Variants in CPS1 observed in about 807,000 individuals in gnomAD.
CPS1 encodes the protein carbamoyl-phosphate synthase [ammonia], mitochondrial.
In CPS1, 109 loss-of-function variants were observed where a neutral mutation model predicts 174.6. That is an observed-to-expected ratio of 0.62 (90% CI 0.53 to 0.73). The LOEUF (loss-of-function observed/expected upper bound fraction) is 0.73, where lower values mean the gene tolerates loss of function less well. CPS1 is among the 30% of genes least tolerant of loss of function. The pLI, the probability that CPS1 is intolerant of heterozygous loss-of-function variation, is 0.00. For synonymous variants in CPS1, 637 were observed against 632.0 expected, an observed-to-expected ratio of 1.01 and a Z score of -0.12; for missense variants, 1,689 against 1,821.9, an observed-to-expected ratio of 0.93 and a Z score of 1.33.
intron 1 of CPS1, among the ~76,000 whole-genome samples, chr2:210,568,109 A>C (rs1380849850): frequency 1.3e-5 from 2 of 152,156 alleles, no homozygotes; most frequent in Non-Finnish European, 2.9e-5. Context: ...ACGGTAGATA[A>C]ATACCTTTAG....
intron 1 of CPS1, among the ~76,000 whole-genome samples, chr2:210,547,358 A>G (rs1696591542): frequency 6.6e-6 from 1 of 152,160 alleles, no homozygotes; most frequent in Non-Finnish European, 1.5e-5. Flanking sequence ...CAGAAAATTC[A>G]GAGTTTAACT....
In CPS1 at chr2:210,654,085, G is replaced by A. The variant is rs759207426; in HGVS notation, c.3541G>A (p.Val1181Ile). The A allele has an allele frequency of 1.2e-6, 2 of 1,613,962 alleles. No homozygotes were observed. Among genetic ancestry groups the A allele is most frequent in the South Asian group, 2.2e-5 (2 of 91,070 alleles). ...GGCCCGAGAAGTAGAAATGGACGCT[G>A]TTGGCAAAGATGGAAGGGTAAGTGC... ...EGAREVEMDA[V>I]GKDGRVISHA... Residue 1181 changes from valine (V) to isoleucine (I), a missense_variant, in exon 29 of 38, where the codon GTT (valine) becomes ATT (isoleucine). Physicochemically the swap from Val to Ile is conservative, Grantham distance 29 (BLOSUM62 3). Transcript: ENST00000233072.
chr2:210,668,355 T>G, intron 34 of CPS1, 71 bp downstream of exon 34: 1 of 1,000,910 alleles, frequency 1.0e-6, no homozygotes, highest in Middle Eastern at 2.0e-4. Flanking sequence ...GATAGAATGT[T>G]AATTGTGGTA....
chr2:210,512,259 G>A (rs1035103529), intron 1 of CPS1, among the ~76,000 whole-genome samples: 8 of 151,818 alleles, frequency 5.3e-5, no homozygotes, highest in African/African-American at 1.9e-4. Flanking sequence ...TGTTACATGG[G>A]TATATTGTGT....
intron 19 of CPS1, among the ~76,000 whole-genome samples, chr2:210,610,641 T>C (rs1014514837): frequency 2.0e-5 from 3 of 151,816 alleles, no homozygotes; most frequent in African/African-American, 4.8e-5. Context: ...TGCATTTTAA[T>C]AGTATAGGGC....
chr2:210,484,906 C>T (rs1226059248), intron 1 of CPS1, among the ~76,000 whole-genome samples: 3 of 152,144 alleles, frequency 2.0e-5, no homozygotes, highest in Admixed American at 6.5e-5. Flanking sequence ...ATCTAGACTG[C>T]ATCCCTAGTG....
chr2:210,585,665 A>G (rs1042752836), intron 6 of CPS1, among the ~76,000 whole-genome samples: 3 of 151,650 alleles, frequency 2.0e-5, no homozygotes, highest in Non-Finnish European at 4.4e-5. Flanking sequence ...AGTAGAAATA[A>G]TAGTTATGCA....
intron 1 of CPS1, among the ~76,000 whole-genome samples, chr2:210,565,306 A>G (rs916822793): frequency 1.3e-5 from 2 of 152,164 alleles, no homozygotes; most frequent in Admixed American, 6.5e-5. Context: ...TTTTAAATTT[A>G]TATGAAGTAA....
At chr2:210,555,736 G>C (rs888588182), upstream of CPS1, 1 of 448,270 alleles carries the variant, frequency 2.2e-6, no homozygotes, top group Non-Finnish European at 4.5e-6. Context: ...GTTCTACATA[G>C]TCATGTGACT....
chr2:210,494,454 A>G (rs1464290879), intron 1 of CPS1, among the ~76,000 whole-genome samples: 4 of 152,156 alleles, frequency 2.6e-5, no homozygotes, highest in Admixed American at 2.6e-4. Flanking sequence ...AACTCGTACC[A>G]AGGGGAAGAT....
At chr2:210,514,004 A>G (rs1695604572) in intron 1 of CPS1, among the ~76,000 whole-genome samples, 1 of 151,218 alleles carries the variant, frequency 6.6e-6, no homozygotes, top group Non-Finnish European at 1.5e-5. Context: ...TGTACGTGGC[A>G]CTGTTTCTGG....
In CPS1 at chr2:210,616,440, G is replaced by A. The variant is rs1699308227; in HGVS notation, c.2586G>A (p.Met862Ile). The A allele has an allele frequency of 1.2e-6, 2 of 1,611,162 alleles. No individual in the cohort carries two copies. The highest frequency in any genetic ancestry group is 1.7e-6 in the Non-Finnish European group (2 of 1,177,738). Residue 862 changes from methionine (M) to isoleucine (I), a missense_variant, in exon 21 of 38, where the codon ATG (methionine) becomes ATA (isoleucine). Transcript: ENST00000233072. ...CTTGGCAGGCCATTGATGACAACAT[G>A]TCCCTTGATGAGATTGAGAAGCTCA... ...YAIAKAIDDN[M>I]SLDEIEKLTY...
At chr2:210,498,199 G>A (rs1014640589) in intron 1 of CPS1, among the ~76,000 whole-genome samples, 2 of 151,720 alleles carry the variant, frequency 1.3e-5, no homozygotes, top group African/African-American at 2.4e-5. Context: ...GTTTGCTGAC[G>A]TATGAAGATG....
chr2:210,593,365 G>A, intron 11 of CPS1: 2 of 1,098,154 alleles, frequency 1.8e-6, no homozygotes, highest in African/African-American at 1.7e-5. Context: ...AGCCACTAAG[G>A]GAGAATAAAC....
chr2:210,569,151 C>T (rs1178407633), intron 1 of CPS1, among the ~76,000 whole-genome samples: 3 of 151,910 alleles, frequency 2.0e-5, no homozygotes, highest in Admixed American at 2.0e-4. Flanking sequence ...GAAGCAGACC[C>T]AATACTCTGC....
intron 5 of CPS1, among the ~76,000 whole-genome samples, chr2:210,582,092 G>C (rs1697939635): frequency 6.6e-6 from 1 of 152,138 alleles, no homozygotes; most frequent in Non-Finnish European, 1.5e-5. Flanking sequence ...ACTTGGATAT[G>C]AACATGCCTA....
intron 1 of CPS1, among the ~76,000 whole-genome samples, chr2:210,505,884 A>C (rs1164311778): frequency 6.6e-6 from 1 of 152,196 alleles, no homozygotes; most frequent in Non-Finnish European, 1.5e-5. Flanking sequence ...TAAAAAAAGC[A>C]CAGGGAAGCT....
chr2:210,654,363 G>A (rs1037104102), intron 29 of CPS1, among the ~76,000 whole-genome samples: 5 of 152,014 alleles, frequency 3.3e-5, no homozygotes, highest in Non-Finnish European at 7.4e-5. Context: ...CATTCCTTTT[G>A]AATAGATTTT....
upstream of CPS1, among the ~76,000 whole-genome samples, chr2:210,554,312 TCTGGGACC>T (rs1418871405): frequency 6.6e-6 from 1 of 150,860 alleles, no homozygotes; most frequent in East Asian, 1.9e-4. Context: ...CAAGTCTGCA[TCTGGGACC>T]CTTTACTGAT....
Sources: allele counts gnomAD v4.1 joint callset (sites outside exome capture counted in the v4.1 genomes callset), GRCh38; gene constraint gnomAD v4.1.1; transcripts MANE v1.5; gene names NCBI Gene and HGNC (gene_info 2026-07-23, HGNC 2026-07-21).